NFATC1: variants seen among roughly 807,000 people sequenced by gnomAD.
NFATC1 encodes the protein nuclear factor of activated T-cells, cytoplasmic 1.
A neutral mutation model predicts 76.0 loss-of-function variants in NFATC1; 22 were observed. The observed-to-expected ratio is 0.29, with a 90% CI of 0.21 to 0.41. NFATC1 has a LOEUF of 0.41. Ranked by LOEUF, NFATC1 falls within the 10% of genes least tolerant of loss-of-function variation. The pLI is 1.00. For missense variants in NFATC1, 1,357 were observed against 1,337.7 expected, an observed-to-expected ratio of 1.01 and a Z score of -0.23; for synonymous variants, 704 against 613.1, an observed-to-expected ratio of 1.15 and a Z score of -2.19.
chr18:79,477,873 C>G lies in NFATC1; in HGVS notation c.2093-8375C>G, dbSNP rs1297142523. On this transcript the variant is annotated intron_variant, in intron 8 of 9. Coordinates refer to ENST00000427363, the MANE Select transcript of NFATC1 (RefSeq NM_001278669.2). ...CAGGACAGGCGATTTGTCTCTCCCT[C>G]CCTGTGGGACGGCAGTCCCGTTGGA... Among the ~76,000 whole-genome samples the G allele has an allele frequency of 3.9e-5, 6 of 152,328 alleles. No individual in the cohort carries two copies. The East Asian group carries it at 1.2e-3, about 29-fold the overall frequency.
intron 1 of NFATC1, chr18:79,400,367 C>CGCTCCG (rs1568908069): frequency 1.4e-6 from 2 of 1,434,278 alleles, no homozygotes; most frequent in East Asian, 3.1e-5. Flanking sequence ...CCCCGGCTCC[C>CGCTCCG]GCCCCGGCCC....
intron 2 of NFATC1, among the ~76,000 whole-genome samples, chr18:79,431,159 GC>G (rs2086575888): frequency 6.6e-6 from 1 of 152,244 alleles, no homozygotes; most frequent in African/African-American, 2.4e-5. Context: ...TGGTGAGCCT[GC>G]CAGGTGCATC....
chr18:79,442,405 A>C (rs577271285), intron 3 of NFATC1, among the ~76,000 whole-genome samples: 2 of 152,316 alleles, frequency 1.3e-5, no homozygotes, highest in African/African-American at 4.8e-5. Context: ...GTCTCCAAGA[A>C]GAGGGGCTCC....
chr18:79,525,569 C>G (rs190479219), intron 9 of NFATC1, among the ~76,000 whole-genome samples: 77 of 152,210 alleles, frequency 5.1e-4, no homozygotes, highest in Non-Finnish European at 9.6e-4. Context: ...TCCCTCCTGT[C>G]CCTGTCGCTG....
chr18:79,446,455 T>G (rs534389571), intron 3 of NFATC1, among the ~76,000 whole-genome samples: 1 of 152,304 alleles, frequency 6.6e-6, no homozygotes, highest in African/African-American at 2.4e-5. Flanking sequence ...AAATTAAATT[T>G]TTAGGTATTA....
intron 3 of NFATC1, among the ~76,000 whole-genome samples, chr18:79,437,379 G>A (rs116351818): frequency 0.011 from 1,622 of 152,276 alleles, 30 homozygotes; most frequent in African/African-American, 0.035. Context: ...GACCAGCAGC[G>A]CAGCCAGCCT....
chr18:79,428,043 C>T (rs1022707862), intron 2 of NFATC1, among the ~76,000 whole-genome samples: 5 of 118,052 alleles, frequency 4.2e-5, no homozygotes, highest in Non-Finnish European at 6.8e-5. Context: ...TGGGGGCAGG[C>T]GCTGGATGAC....
rs984576648 is a variant in NFATC1 at position 79,461,190 on chromosome 18, G to A, written c.1904-121G>A. ...CAAAGCCCTGGGATGGGCCTACGTG[G>A]GTCTCCTGGGACAAGGCGCCCTCCT... On this transcript the variant is annotated intron_variant, in intron 6 of 9. Transcript: ENST00000427363. 5.1e-5 allele frequency: 57 copies of A among 1,110,566 alleles called. No homozygotes were observed. The Admixed American group carries it at 5.7e-4, about 11-fold the overall frequency. The allele number at this position is 1,110,566 out of a possible 1,614,324, so 68.8% of individuals were successfully genotyped here.
intron 9 of NFATC1, among the ~76,000 whole-genome samples, chr18:79,522,744 C>G (rs988305828): frequency 2.0e-5 from 3 of 152,144 alleles, no homozygotes; most frequent in Non-Finnish European, 4.4e-5. Flanking sequence ...AGAGGACGGA[C>G]TCCTGGGGCC....
chr18:79,524,109 G>T lies in NFATC1; in HGVS notation c.2783-3419G>T. 6.6e-6 allele frequency: 1 copy of T among 152,258 alleles called. No individual in the cohort carries two copies. The highest frequency in any genetic ancestry group is 1.5e-5 in the Non-Finnish European group (1 of 68,020). The allele number at this position is 152,258 out of a possible 1,614,324, so 9.4% of individuals were successfully genotyped here. A position where few individuals can be genotyped will look rare whatever the true frequency, so the allele number is the denominator to read the frequency against. ...GCCGCCCCCGGAATAGCAAGGGCAGGGCCGGGCAGCTGTGGCTGACCTCAT... is the reference window on the plus strand; with the variant it reads ...GCCGCCCCCGGAATAGCAAGGGCAGTGCCGGGCAGCTGTGGCTGACCTCAT... On this transcript the variant is annotated intron_variant, in intron 9 of 9. Coordinates refer to ENST00000427363, the MANE Select transcript of NFATC1 (RefSeq NM_001278669.2). The surrounding 1 kb of genome is among the most constrained non-coding windows in gnomAD (Gnocchi z 7.2).
intron 9 of NFATC1, among the ~76,000 whole-genome samples, chr18:79,513,639 GTC>G (rs1165619479): frequency 6.6e-6 from 1 of 152,262 alleles, no homozygotes; most frequent in Non-Finnish European, 1.5e-5. Flanking sequence ...CAAGGCGAGT[GTC>G]CCTGGGGCAT....
chr18:79,507,674 T>C (rs11661433), intron 9 of NFATC1, among the ~76,000 whole-genome samples: 9,909 of 152,292 alleles, frequency 0.065, 428 homozygotes, highest in Admixed American at 0.098. Flanking sequence ...CCCGGAGCCC[T>C]AGAAAGGACA....
At chr18:79,509,311 C>T (rs1242176755) in intron 9 of NFATC1, among the ~76,000 whole-genome samples, 3 of 152,268 alleles carry the variant, frequency 2.0e-5, no homozygotes, top group Admixed American at 2.0e-4. Context: ...CGCCAGCTCT[C>T]CACCAGCCGG....
chr18:79,496,582 G>A (rs2089893498), intron 9 of NFATC1: 1 of 152,262 alleles, frequency 6.6e-6, no homozygotes, highest in Admixed American at 6.5e-5. Flanking sequence ...TCTGCGCATG[G>A]ACTCCTGAGG....
chr18:79,469,499 C>T (rs1376664034), intron 8 of NFATC1: 2 of 985,510 alleles, frequency 2.0e-6, no homozygotes, highest in South Asian at 4.7e-5. Context: ...CTGCTACCTC[C>T]AGTCCACACC....
rs546557668 is a variant in NFATC1, at chr18:79,474,056, C to T, written c.2092+6474C>T. ...AGCGTGTTCTCACGCTCGCTGTCAACGTAAACCTGAGGGAAGCGTGTTCTC... is the reference window on the plus strand; with the variant it reads ...AGCGTGTTCTCACGCTCGCTGTCAATGTAAACCTGAGGGAAGCGTGTTCTC... On this transcript the variant is annotated intron_variant, in intron 8 of 9. Transcript: ENST00000427363. Among the ~76,000 whole-genome samples the T allele has an allele frequency of 8.8e-3, 1,249 of 141,714 alleles. 45 individuals carry two copies. Among genetic ancestry groups the T allele is most frequent in the African/African-American group, 0.028 (1,034 of 36,770 alleles). The allele number at this position is 141,714 out of a possible 152,430, so 93.0% of individuals were successfully genotyped here.
intron 8 of NFATC1, among the ~76,000 whole-genome samples, chr18:79,473,986 C>T (rs1229413534): frequency 4.1e-5 from 4 of 98,684 alleles, no homozygotes. Context: ...GTCGACGTTG[C>T]GAGGGAAGCG....
At chr18:79,488,599 G>T (rs1054116465) in intron 9 of NFATC1, among the ~76,000 whole-genome samples, 3 of 152,158 alleles carry the variant, frequency 2.0e-5, no homozygotes, top group Admixed American at 6.5e-5. Flanking sequence ...TTGTCCACCC[G>T]CGAGGCCAGC....
At chr18:79,512,161 GACCCCAGGACACGGCCTC>G (rs2090269413) in intron 9 of NFATC1, among the ~76,000 whole-genome samples, 1 of 151,820 alleles carries the variant, frequency 6.6e-6, no homozygotes, top group South Asian at 2.1e-4. Flanking sequence ...GACGCAGCCT[GACCCCAGGACACGGCCTC>G]GCCCCAGGAC....
Sources: gnomAD v4.1 joint callset for allele counts (sites outside exome capture counted in the v4.1 genomes callset) on GRCh38, gnomAD v4.1.1 for gene constraint, Gnocchi (gnomAD v3.1) non-coding constraint, MANE v1.5 for transcripts, NCBI Gene and HGNC (gene_info 2026-07-23, HGNC 2026-07-21) for gene names.